The following SCAPER variants were observed in gnomAD, a reference collection of about 807,000 sequenced individuals.
The protein encoded by SCAPER is S phase cyclin A-associated protein in the endoplasmic reticulum.
In SCAPER, 98 loss-of-function variants were observed where a neutral mutation model predicts 182.2. The observed-to-expected ratio is 0.54, with a 90% CI of 0.46 to 0.64. SCAPER has a LOEUF of 0.64. Among genes scored for constraint, SCAPER ranks in the 30% least tolerant of loss-of-function variants. The pLI is 0.00. For synonymous variants in SCAPER, 605 were observed against 564.6 expected (o/e 1.07, Z -1.01); for missense variants, 1,432 against 1,690.0 (o/e 0.85, Z 2.68).
intron 22 of SCAPER, among the ~76,000 whole-genome samples, chr15:76,577,414 T>C (rs1295492355): frequency 2.6e-5 from 4 of 151,988 alleles, no homozygotes; most frequent in African/African-American, 9.7e-5. Context: ...GCCACTGCGC[T>C]CTAGCCTGGG....
intron 23 of SCAPER, among the ~76,000 whole-genome samples, chr15:76,572,909 TCTCTCTCTCTCACA>T (rs2047534324): frequency 1.9e-5 from 1 of 52,176 alleles, no homozygotes; most frequent in African/African-American, 4.8e-5. Flanking sequence ...TCTCTCTCTC[TCTCTCTCTCTCACA>T]CACACACACA....
intron 1 of SCAPER, among the ~76,000 whole-genome samples, chr15:76,897,727 A>G (rs916092053): frequency 3.9e-5 from 6 of 152,156 alleles, no homozygotes; most frequent in African/African-American, 1.4e-4. Flanking sequence ...AGACTGAATT[A>G]TTATTTCTTA....
At chr15:76,505,680 T>A (rs948192108) in intron 23 of SCAPER, among the ~76,000 whole-genome samples, 1 of 152,172 alleles carries the variant, frequency 6.6e-6, no homozygotes, top group Non-Finnish European at 1.5e-5. Context: ...GAGAATAGTT[T>A]GGAGATTTTT....
At position 76,394,919 on chromosome 15, in the gene SCAPER, A is replaced by G. The variant is rs116778674; in HGVS notation, c.3467+9605T>C. Among the ~76,000 whole-genome samples, 858 of 152,224 alleles carry G rather than the reference A, an allele frequency of 5.6e-3. 7 individuals are homozygous for G. The highest frequency in any genetic ancestry group is 0.02 in the African/African-American group (829 of 41,542). On this transcript the variant is annotated intron_variant, in intron 27 of 31. Transcript: ENST00000563290. ...TACTGACTATAGTCACCCTGTTGTG[A>G]TATCAAATATTTAGTCTTATTCATT...
chr15:76,889,356 C>T (rs562756028), intron 1 of SCAPER, among the ~76,000 whole-genome samples: 96 of 152,116 alleles, frequency 6.3e-4, no homozygotes, highest in Non-Finnish European at 3.7e-4. Flanking sequence ...GGCTAAATGC[C>T]CCAATTAAAA....
intron 1 of SCAPER, among the ~76,000 whole-genome samples, chr15:76,889,231 T>C (rs1016221477): frequency 6.6e-6 from 1 of 152,152 alleles, no homozygotes; most frequent in Admixed American, 6.5e-5. Flanking sequence ...ACATGCCAAA[T>C]GGTAAAGACC....
chr15:76,489,166 T>C (rs1275024591), intron 24 of SCAPER, among the ~76,000 whole-genome samples: 1 of 145,878 alleles, frequency 6.9e-6, no homozygotes, highest in South Asian at 2.3e-4. Context: ...TACATTAATT[T>C]CCTTTCCCTT....
intron 23 of SCAPER, chr15:76,567,311 T>C (rs1381079453): frequency 2.2e-6 from 1 of 453,578 alleles, no homozygotes; most frequent in East Asian, 7.0e-5. Context: ...CTTGCACTAT[T>C]TTCCATATGT....
At chr15:76,823,118 C>A (rs902986328) in intron 5 of SCAPER, among the ~76,000 whole-genome samples, 3 of 152,146 alleles carry the variant, frequency 2.0e-5, no homozygotes, top group African/African-American at 7.2e-5. Flanking sequence ...ATCAGTCACA[C>A]TCAAAAACCT....
chr15:76,499,394 A>G lies in SCAPER; in HGVS notation c.2954+5465T>C, dbSNP rs1597049225. Among the ~76,000 whole-genome samples, 4 of 152,340 alleles carry G rather than the reference A, an allele frequency of 2.6e-5. No homozygotes were observed. The Middle Eastern group carries it at 0.01, about 389-fold the overall frequency. On this transcript the variant is annotated intron_variant, in intron 24 of 31. Coordinates refer to ENST00000563290, the MANE Select transcript of SCAPER (RefSeq NM_020843.4). ...CCTGACAGCTCTACATGGAAATCAA[A>G]TGCCAAAATCAGATGGGCCATATTT...
intron 24 of SCAPER, chr15:76,472,088 G>A (rs1012821950): frequency 1.8e-5 from 6 of 340,750 alleles, no homozygotes; most frequent in South Asian, 7.8e-5. Context: ...ATGTCCTGCC[G>A]CATCACTGCC....
At chr15:76,479,634 C>T (rs968871384) in intron 24 of SCAPER, among the ~76,000 whole-genome samples, 7 of 152,076 alleles carry the variant, frequency 4.6e-5, no homozygotes, top group African/African-American at 1.7e-4. Context: ...TAATAGAATA[C>T]AAGTGTAGTA....
intron 23 of SCAPER, among the ~76,000 whole-genome samples, chr15:76,560,764 A>G (rs1597389836): frequency 6.6e-6 from 1 of 152,202 alleles, no homozygotes; most frequent in Non-Finnish European, 1.5e-5. Flanking sequence ...TATCAAAGAA[A>G]AGTGAATTCC....
In SCAPER at chr15:76,771,729, TAGC is replaced by T; in HGVS notation, c.1248+10_1248+12del. On this transcript the variant is annotated intron_variant, in intron 10 of 31. Transcript: ENST00000563290. ...TTCTGATAAGTTGTTCTTACCAAGT[TAGC>T]AGCACTCACATTTGAAATATCTGAA... is the stretch of plus-strand genomic sequence containing the variant. 6.2e-7 allele frequency: 1 copy of T among 1,604,704 alleles called. No individual in the cohort carries two copies. Among genetic ancestry groups the T allele is most frequent in the East Asian group, 2.2e-5 (1 of 44,778 alleles).
At chr15:76,421,979 A>G (rs1427439066) in intron 26 of SCAPER, among the ~76,000 whole-genome samples, 1 of 152,098 alleles carries the variant, frequency 6.6e-6, no homozygotes. Flanking sequence ...CCATTGGTCT[A>G]TATCTCTGTT....
intron 1 of SCAPER, among the ~76,000 whole-genome samples, chr15:76,890,073 T>C (rs1339661963): frequency 1.3e-5 from 2 of 152,052 alleles, no homozygotes; most frequent in African/African-American, 4.8e-5. Context: ...GACTACTGGG[T>C]AAATAATGAA....
At chr15:76,823,356 A>G (rs917273771) in intron 5 of SCAPER, among the ~76,000 whole-genome samples, 1 of 152,116 alleles carries the variant, frequency 6.6e-6, no homozygotes, top group Non-Finnish European at 1.5e-5. Context: ...GCTACTCGGG[A>G]GGCTAAGGCA....
At chr15:76,771,222 T>C (rs1372342906) in intron 10 of SCAPER, among the ~76,000 whole-genome samples, 1 of 152,118 alleles carries the variant, frequency 6.6e-6, no homozygotes, top group Admixed American at 6.5e-5. Flanking sequence ...AAGAGATGGG[T>C]AGAAATATGT....
intron 17 of SCAPER, among the ~76,000 whole-genome samples, chr15:76,719,473 A>C (rs1027766610): frequency 6.6e-6 from 1 of 152,190 alleles, no homozygotes; most frequent in African/African-American, 2.4e-5. Flanking sequence ...TAGAGATCTA[A>C]TGTACAACAG....
Sources: gnomAD v4.1 joint callset for allele counts (sites outside exome capture counted in the v4.1 genomes callset) on GRCh38, gnomAD v4.1.1 for gene constraint, MANE v1.5 for transcripts, NCBI Gene and HGNC (gene_info 2026-07-23, HGNC 2026-07-21) for gene names.